TMEM132C: variants seen among roughly 807,000 people sequenced by gnomAD.
TMEM132C encodes protein phosphatase 1, regulatory subunit 152.
TMEM132C carries 29 observed loss-of-function variants against 61.4 expected under a neutral mutation model. The ratio of observed to expected loss-of-function variants is 0.47; its 90% CI spans 0.35 to 0.64. The LOEUF is 0.64. TMEM132C is among the 30% of genes least tolerant of loss of function. The pLI is 0.00. For synonymous variants in TMEM132C, 656 were observed against 633.1 expected (o/e 1.04, Z -0.54); for missense variants, 1,408 against 1,476.9 (o/e 0.95, Z 0.76).
At chr12:128,397,230 A>G (rs1014710719) in intron 1 of TMEM132C, among the ~76,000 whole-genome samples, 2 of 151,814 alleles carry the variant, frequency 1.3e-5, no homozygotes, top group Admixed American at 1.3e-4. Flanking sequence ...CTGTGTCTCC[A>G]CCTGTGCCCA....
chr12:128,392,983 C>A lies in TMEM132C; in HGVS notation c.86-21749C>A, dbSNP rs1006623861. Among the ~76,000 whole-genome samples the A allele has an allele frequency of 5.1e-4, 77 of 152,174 alleles. 1 individual carries two copies. The highest frequency in any genetic ancestry group is 1.0e-4 in the Non-Finnish European group (7 of 68,042). ...CCTGAGGCATAGATGTATCAAGGTG[C>A]ACAAACAGTGCGAATCTGCTAGTTA... On this transcript the variant is annotated intron_variant, in intron 1 of 8. Coordinates refer to ENST00000435159, the MANE Select transcript of TMEM132C (RefSeq NM_001136103.3).
chr12:128,367,680 C>A (rs1243348284), intron 1 of TMEM132C, among the ~76,000 whole-genome samples: 3 of 151,714 alleles, frequency 2.0e-5, no homozygotes, highest in South Asian at 4.2e-4. Context: ...TGAGGCTAGT[C>A]CAAACTGCGA....
At chr12:128,704,554 C>T (rs1954823339) in intron 8 of TMEM132C, among the ~76,000 whole-genome samples, 1 of 152,214 alleles carries the variant, frequency 6.6e-6, no homozygotes, top group Non-Finnish European at 1.5e-5. Flanking sequence ...TCAGGCAAAG[C>T]TTAATTCACT....
intron 2 of TMEM132C, among the ~76,000 whole-genome samples, chr12:128,518,799 C>G (rs559883190): frequency 1.3e-5 from 2 of 151,908 alleles, no homozygotes; most frequent in Admixed American, 6.6e-5. Flanking sequence ...ACCCTTATTT[C>G]AGAAGCAAAA....
intron 3 of TMEM132C, among the ~76,000 whole-genome samples, chr12:128,592,059 G>GAAAAAAAAAAAAAAAAA: frequency 8.0e-6 from 1 of 125,466 alleles, no homozygotes; most frequent in African/African-American, 3.0e-5. Context: ...AAAAAAAAAA[G>GAAAAAAAAAAAAAAAAA]AAAAAAAAAA....
At chr12:128,452,032 G>A (rs1188922540) in intron 2 of TMEM132C, among the ~76,000 whole-genome samples, 1 of 151,998 alleles carries the variant, frequency 6.6e-6, no homozygotes, top group Admixed American at 6.6e-5. Flanking sequence ...AGAGAAGGAA[G>A]TCGAAATGCA....
chr12:128,549,790 C>G (rs924350427), intron 3 of TMEM132C, among the ~76,000 whole-genome samples: 9 of 152,106 alleles, frequency 5.9e-5, no homozygotes. Context: ...ATATAATCCT[C>G]CTAAGCATCT....
chr12:128,513,872 C>T (rs2136120638), intron 2 of TMEM132C, among the ~76,000 whole-genome samples: 1 of 152,212 alleles, frequency 6.6e-6, no homozygotes, highest in South Asian at 2.1e-4. Flanking sequence ...TGCAGCTGAC[C>T]AAAAAGTGAT....
intron 2 of TMEM132C, among the ~76,000 whole-genome samples, chr12:128,426,312 C>T (rs182443111): frequency 1.3e-5 from 2 of 152,310 alleles, no homozygotes; most frequent in Non-Finnish European, 2.9e-5. Context: ...GAGAAACCCT[C>T]GAAGGCATTG....
At chr12:128,606,605 G>A (rs1876436450) in intron 3 of TMEM132C, among the ~76,000 whole-genome samples, 1 of 152,220 alleles carries the variant, frequency 6.6e-6, no homozygotes, top group African/African-American at 2.4e-5. Flanking sequence ...TGGCTGTGGT[G>A]CAGCTGCCCC....
intron 4 of TMEM132C, among the ~76,000 whole-genome samples, chr12:128,662,560 T>C (rs1954402415): frequency 6.6e-6 from 1 of 152,162 alleles, no homozygotes; most frequent in Admixed American, 6.5e-5. Flanking sequence ...GGGCTCGACA[T>C]TCAAATGTGG....
At chr12:128,309,849 C>A (rs1162483150) in intron 1 of TMEM132C, among the ~76,000 whole-genome samples, 1 of 152,084 alleles carries the variant, frequency 6.6e-6, no homozygotes, top group African/African-American at 2.4e-5. Context: ...GATTCCCCTG[C>A]CTCAGCCTCC....
At chr12:128,417,219 G>A (rs544290588) in intron 2 of TMEM132C, among the ~76,000 whole-genome samples, 1 of 152,218 alleles carries the variant, frequency 6.6e-6, no homozygotes, top group Non-Finnish European at 1.5e-5. Flanking sequence ...ATCTATCCCT[G>A]GCTTTGGAAG....
chr12:128,440,793 A>T (rs1184074330), intron 2 of TMEM132C, among the ~76,000 whole-genome samples: 1 of 152,204 alleles, frequency 6.6e-6, no homozygotes, highest in Non-Finnish European at 1.5e-5. Context: ...TCACACCTGT[A>T]ATCCCAGCAC....
intron 1 of TMEM132C, among the ~76,000 whole-genome samples, chr12:128,364,750 A>G (rs1873811200): frequency 6.6e-6 from 1 of 152,146 alleles, no homozygotes; most frequent in African/African-American, 2.4e-5. Flanking sequence ...CCATGGCCTG[A>G]GGGACACAGT....
chr12:128,669,092 G>A (rs570538908), intron 4 of TMEM132C, among the ~76,000 whole-genome samples: 1 of 152,304 alleles, frequency 6.6e-6, no homozygotes, highest in Admixed American at 6.5e-5. Flanking sequence ...GTTAGTTTCT[G>A]TTGCTTACAA....
chr12:128,309,850 C>G (rs1385353008), intron 1 of TMEM132C, among the ~76,000 whole-genome samples: 1 of 152,134 alleles, frequency 6.6e-6, no homozygotes, highest in East Asian at 1.9e-4. Context: ...ATTCCCCTGC[C>G]TCAGCCTCCT....
intron 1 of TMEM132C, among the ~76,000 whole-genome samples, chr12:128,358,634 C>T (rs888977629): frequency 6.6e-6 from 1 of 151,904 alleles, no homozygotes; most frequent in Non-Finnish European, 1.5e-5. Context: ...CTTGAACCAA[C>T]CATGGGGTCC....
intron 4 of TMEM132C, among the ~76,000 whole-genome samples, chr12:128,655,137 C>T (rs1954311674): frequency 6.6e-6 from 1 of 152,144 alleles, no homozygotes; most frequent in South Asian, 2.1e-4. Flanking sequence ...AAGTGGGAGC[C>T]GGGAGGCAGC....
Sources: allele counts gnomAD v4.1 joint callset (sites outside exome capture counted in the v4.1 genomes callset), GRCh38; gene constraint gnomAD v4.1.1; transcripts MANE v1.5; gene names NCBI Gene and HGNC (gene_info 2026-07-23, HGNC 2026-07-21).